Variants in INPP4B observed in about 807,000 individuals in gnomAD.
INPP4B encodes the protein inositol polyphosphate-4-phosphatase type II B.
In INPP4B, 55 loss-of-function variants were observed where a neutral mutation model predicts 122.5. The observed-to-expected ratio is 0.45, with a 90% CI of 0.36 to 0.56. INPP4B has a LOEUF of 0.56. Among genes scored for constraint, INPP4B ranks in the 20% least tolerant of loss-of-function variants. INPP4B has a pLI of 0.00. For missense variants in INPP4B, 1,000 were observed against 1,097.7 expected (o/e 0.91, Z 1.26); for synonymous variants, 403 against 388.7 (o/e 1.04, Z -0.43).
At position 142,037,026 on chromosome 4, in the gene INPP4B, A is replaced by G. The variant is rs1744377209; in HGVS notation, c.2643-8112T>C. Among the ~76,000 whole-genome samples, 3 of 152,326 alleles carry G rather than the reference A, an allele frequency of 2.0e-5. No individual in the cohort carries two copies. In the South Asian group the frequency reaches 6.2e-4, roughly 32 times the overall value. Reference sequence around the variant, plus strand: ...AGATTATGACAAATAATTAATCAGTAGCTTGCAAGGTACTCTGGCATTCCA... The same window carrying G: ...AGATTATGACAAATAATTAATCAGTGGCTTGCAAGGTACTCTGGCATTCCA... On this transcript the variant is annotated intron_variant, in intron 25 of 25. Transcript: ENST00000262992.
chr4:142,245,836 A>C (rs1318637909), intron 11 of INPP4B, among the ~76,000 whole-genome samples: 1 of 104,620 alleles, frequency 9.6e-6, no homozygotes, highest in African/African-American at 3.8e-5. Context: ...GTATGTATAC[A>C]TATATATGTG....
Position 142,305,375 on chromosome 4 carries a change from T to C in INPP4B, c.503+83A>G, listed in dbSNP as rs527459398. Reference sequence around the variant, plus strand: ...AACTGACATCTAACATCTGCAAGAATTGTGACTTTCAAACACACTGGCCAT... The same window carrying C: ...AACTGACATCTAACATCTGCAAGAACTGTGACTTTCAAACACACTGGCCAT... On this transcript the variant is annotated intron_variant, in intron 9 of 25. Coordinates refer to ENST00000262992, the MANE Select transcript of INPP4B (RefSeq NM_001101669.3). 1.3e-3 allele frequency: 1,331 copies of C among 1,026,366 alleles called. 2 individuals carry two copies. Among genetic ancestry groups the C allele is most frequent in the South Asian group, 2.6e-3 (180 of 70,208 alleles). The allele number at this position is 1,026,366 out of a possible 1,614,324, so 63.6% of individuals were successfully genotyped here.
At chr4:142,435,469 T>G (rs1366574978) in intron 3 of INPP4B, among the ~76,000 whole-genome samples, 1 of 131,140 alleles carries the variant, frequency 7.6e-6, no homozygotes, top group Non-Finnish European at 1.6e-5. Flanking sequence ...AGTACAGGAA[T>G]TTATTTGGGG....
intron 12 of INPP4B, among the ~76,000 whole-genome samples, chr4:142,225,710 G>A (rs1851248784): frequency 6.6e-6 from 1 of 151,910 alleles, no homozygotes; most frequent in Non-Finnish European, 1.5e-5. Flanking sequence ...AGGAATGAAA[G>A]GGGGCAGGAG....
intron 25 of INPP4B, among the ~76,000 whole-genome samples, chr4:142,064,873 A>T (rs922783511): frequency 1.5e-4 from 23 of 152,216 alleles, no homozygotes; most frequent in Admixed American, 1.2e-3. Context: ...AAAACTCTAA[A>T]GCATATAATA....
At chr4:142,614,094 T>A (rs1008563314) in intron 2 of INPP4B, among the ~76,000 whole-genome samples, 2 of 152,004 alleles carry the variant, frequency 1.3e-5, no homozygotes, top group African/African-American at 2.4e-5. Context: ...CACAGATCAA[T>A]GGAACAGAAC....
chr4:142,248,140 C>T (rs2150140904), intron 11 of INPP4B, among the ~76,000 whole-genome samples: 1 of 152,158 alleles, frequency 6.6e-6, no homozygotes, highest in African/African-American at 2.4e-5. Context: ...TTGCTGACCA[C>T]CCCCATCCCA....
chr4:142,782,552 C>T (rs866317415), intron 1 of INPP4B, among the ~76,000 whole-genome samples: 45 of 151,606 alleles, frequency 3.0e-4, no homozygotes, highest in African/African-American at 1.0e-3. Flanking sequence ...CCTGAGGAAT[C>T]TCCACACTGA....
At chr4:142,823,549 T>A (rs1416664532) in intron 1 of INPP4B, among the ~76,000 whole-genome samples, 1 of 152,176 alleles carries the variant, frequency 6.6e-6, no homozygotes, top group Non-Finnish European at 1.5e-5. Context: ...CTATTAATCT[T>A]GATAACATAA....
intron 24 of INPP4B, among the ~76,000 whole-genome samples, chr4:142,083,631 C>T (rs2152535752): frequency 6.6e-6 from 1 of 152,204 alleles, no homozygotes; most frequent in East Asian, 1.9e-4. Flanking sequence ...GAATTTATTA[C>T]CATGTTTTAA....
At chr4:142,631,255 G>T (rs13109664) in intron 2 of INPP4B, among the ~76,000 whole-genome samples, 98,562 of 151,890 alleles carry the variant, frequency 0.65, 33,294 homozygotes, top group East Asian at 0.81. Flanking sequence ...ATAAGAAATG[G>T]TGACACGAAA....
At chr4:142,383,896 T>A (rs1276983002) in intron 7 of INPP4B, 6 of 559,898 alleles carry the variant, frequency 1.1e-5, no homozygotes, top group Non-Finnish European at 1.9e-5. Flanking sequence ...GTGAGCTTAT[T>A]ATTCATGTGA....
chr4:142,148,599 C>T (rs1021209721), intron 17 of INPP4B, among the ~76,000 whole-genome samples: 1 of 152,170 alleles, frequency 6.6e-6, no homozygotes, highest in East Asian at 1.9e-4. Flanking sequence ...AACAACTTCT[C>T]TTAATCACAT....
At chr4:142,107,677 G>A (rs1345328475) in intron 23 of INPP4B, among the ~76,000 whole-genome samples, 4 of 151,952 alleles carry the variant, frequency 2.6e-5, no homozygotes, top group Non-Finnish European at 5.9e-5. Context: ...TGTTCAACTG[G>A]TATTATATCT....
chr4:142,396,820 T>C (rs1291812528), intron 7 of INPP4B, among the ~76,000 whole-genome samples: 3 of 152,006 alleles, frequency 2.0e-5, no homozygotes, highest in Admixed American at 2.0e-4. Flanking sequence ...TAAAAACACG[T>C]TGAAGAAAAG....
chr4:142,380,275 G>A (rs905110034), intron 7 of INPP4B, among the ~76,000 whole-genome samples: 1 of 152,084 alleles, frequency 6.6e-6, no homozygotes, highest in Non-Finnish European at 1.5e-5. Context: ...GAGTTCCCTG[G>A]GGCTTCATCA....
chr4:142,076,724 T>G (rs957837225), intron 25 of INPP4B, among the ~76,000 whole-genome samples: 11 of 152,062 alleles, frequency 7.2e-5, no homozygotes, highest in Non-Finnish European at 1.5e-5. Context: ...ACATGTACCC[T>G]AAAACTTAAA....
chr4:142,843,123 A>G (rs1297837747), intron 1 of INPP4B, among the ~76,000 whole-genome samples: 1 of 149,614 alleles, frequency 6.7e-6, no homozygotes, highest in African/African-American at 2.5e-5. Flanking sequence ...CACATATCTT[A>G]ATGTCTTTTC....
chr4:142,783,852 G>T (rs1044552263), intron 1 of INPP4B, among the ~76,000 whole-genome samples: 2 of 152,088 alleles, frequency 1.3e-5, no homozygotes, highest in Admixed American at 6.6e-5. Context: ...AGTGAATGTA[G>T]AGCAGGGTAA....
Sources: gnomAD v4.1 joint callset for allele counts (sites outside exome capture counted in the v4.1 genomes callset) on GRCh38, gnomAD v4.1.1 for gene constraint, MANE v1.5 for transcripts, NCBI Gene and HGNC (gene_info 2026-07-23, HGNC 2026-07-21) for gene names.